TRPC4: variants seen among roughly 807,000 people sequenced by gnomAD.
The protein encoded by TRPC4 is transient receptor potential cation channel subfamily C member 4.
TRPC4 carries 49 observed loss-of-function variants against 99.4 expected under a neutral mutation model. That is an observed-to-expected ratio of 0.49 (90% CI 0.39 to 0.63). The LOEUF is 0.63. TRPC4 is among the 20% of genes least tolerant of loss of function. The pLI, the probability that TRPC4 is intolerant of heterozygous loss-of-function variation, is 0.00. For missense variants in TRPC4, 898 were observed against 1,152.9 expected, an observed-to-expected ratio of 0.78 and a Z score of 3.20; for synonymous variants, 454 against 425.9, an observed-to-expected ratio of 1.07 and a Z score of -0.81.
intron 8 of TRPC4, among the ~76,000 whole-genome samples, chr13:37,642,782 G>C (rs9547990): frequency 0.99 from 148,123 of 150,076 alleles, 73,131 homozygotes; most frequent in Middle Eastern, 1. Context: ...TGTCACCAGT[G>C]TGGAGTGCAA....
At chr13:37,792,285 GT>G (rs1490221932) in intron 1 of TRPC4, among the ~76,000 whole-genome samples, 2 of 152,170 alleles carry the variant, frequency 1.3e-5, no homozygotes, top group South Asian at 2.1e-4. Flanking sequence ...GTTTATTAAT[GT>G]TTTTACTAGT....
intron 1 of TRPC4, among the ~76,000 whole-genome samples, chr13:37,860,775 C>A (rs1390681293): frequency 6.6e-6 from 1 of 151,404 alleles, no homozygotes; most frequent in Non-Finnish European, 1.5e-5. Flanking sequence ...CTGTCATAAG[C>A]CTCCAATCCT....
intron 5 of TRPC4, among the ~76,000 whole-genome samples, chr13:37,667,546 G>A (rs577246029): frequency 6.6e-6 from 1 of 152,156 alleles, no homozygotes; most frequent in East Asian, 1.9e-4. Context: ...GATCTCAGGT[G>A]GTCTGCCCGC....
At chr13:37,858,226 C>T (rs1222156702) in intron 1 of TRPC4, among the ~76,000 whole-genome samples, 4 of 151,594 alleles carry the variant, frequency 2.6e-5, no homozygotes, top group East Asian at 3.9e-4. Context: ...TATCTCCTCA[C>T]CCCAGTTAAA....
At chr13:37,854,832 G>A (rs1252434649) in intron 1 of TRPC4, 7 of 151,898 alleles carry the variant, frequency 4.6e-5, no homozygotes, top group African/African-American at 9.7e-5. Context: ...AGTAAAAAAG[G>A]AAGAGAAGGC....
At chr13:37,644,871 T>C in intron 8 of TRPC4, among the ~76,000 whole-genome samples, 1 of 5,246 alleles carries the variant, frequency 1.9e-4, no homozygotes, top group East Asian at 4.9e-3. Flanking sequence ...AGACTCCATC[T>C]CAAAAAAAAA....
chr13:37,637,150 T>C lies in TRPC4; in HGVS notation c.2687A>G (p.Asp896Gly). The C allele has an allele frequency of 1.2e-6, 2 of 1,613,836 alleles. No homozygotes were observed. Among genetic ancestry groups the C allele is most frequent in the Non-Finnish European group, 1.7e-6 (2 of 1,179,848 alleles). Residue 896 changes from aspartate (D) to glycine (G), a missense_variant, in exon 11 of 11, where the codon GAC (aspartate) becomes GGC (glycine). This residue lies in a region of TRPC4 where 346 missense variants were observed against 351.4 expected (regional missense o/e 0.98). Coordinates refer to ENST00000379705, the MANE Select transcript of TRPC4 (RefSeq NM_016179.4). ...LESRGLASRG[D>G]LSIPGLSEQC... ...TTCACTGAGACCGGGAATGCTCAGGTCACCCCGTGAAGCTAATCCTCGAGA... is the reference window on the plus strand; with the variant it reads ...TTCACTGAGACCGGGAATGCTCAGGCCACCCCGTGAAGCTAATCCTCGAGA...
Position 37,783,379 on chromosome 13 carries a change from A to G in TRPC4, c.-27-19T>C. ...TTCGTCTCTGAAAGTAGAAACAAAA[A>G]ACACAAAGATTAGTGTTAATATGCT... On this transcript the variant is annotated intron_variant, in intron 1 of 10. Transcript: ENST00000379705. 2 of 1,499,914 alleles carry G rather than the reference A, an allele frequency of 1.3e-6. No individual in the cohort carries two copies. Among genetic ancestry groups the G allele is most frequent in the Non-Finnish European group, 1.8e-6 (2 of 1,126,378 alleles). 92.9% of individuals were successfully genotyped at this position (1,499,914 alleles called of 1,614,324 possible).
At chr13:37,844,807 A>T (rs551687837) in intron 1 of TRPC4, among the ~76,000 whole-genome samples, 3 of 152,204 alleles carry the variant, frequency 2.0e-5, no homozygotes, top group Non-Finnish European at 4.4e-5. Context: ...GCCAGCAGGC[A>T]AGTCTAAGTC....
intron 8 of TRPC4, among the ~76,000 whole-genome samples, chr13:37,648,313 T>G (rs1951912556): frequency 6.6e-6 from 1 of 152,116 alleles, no homozygotes; most frequent in African/African-American, 2.4e-5. Flanking sequence ...AAACAAAAAA[T>G]GTATAAAGCT....
At chr13:37,714,011 G>A (rs1314512602) in intron 3 of TRPC4, among the ~76,000 whole-genome samples, 1 of 151,854 alleles carries the variant, frequency 6.6e-6, no homozygotes, top group Non-Finnish European at 1.5e-5. Flanking sequence ...TTCTCTCTCT[G>A]CTTTTATTAC....
intron 2 of TRPC4, among the ~76,000 whole-genome samples, chr13:37,760,924 T>C (rs1045057152): frequency 6.6e-6 from 1 of 151,944 alleles, no homozygotes; most frequent in Non-Finnish European, 1.5e-5. Context: ...TTGCACAGAC[T>C]ATTCTTTATT....
intron 1 of TRPC4, among the ~76,000 whole-genome samples, chr13:37,851,689 A>T (rs764375866): frequency 1.3e-5 from 2 of 152,236 alleles, no homozygotes; most frequent in Non-Finnish European, 2.9e-5. Context: ...TCAGGTGAGC[A>T]ATCACAGTAC....
At chr13:37,651,226 A>T in intron 8 of TRPC4, 39 bp downstream of exon 8, 1 of 1,609,608 alleles carries the variant, frequency 6.2e-7, no homozygotes, top group Non-Finnish European at 8.5e-7. Context: ...CAAATACACA[A>T]TTTAAAAAAA....
chr13:37,664,779 C>A (rs1296133180), intron 5 of TRPC4, among the ~76,000 whole-genome samples: 7 of 152,010 alleles, frequency 4.6e-5, no homozygotes, highest in African/African-American at 1.5e-4. Flanking sequence ...GTTTTTTATT[C>A]TTTTTATAGC....
At chr13:37,842,372 G>A (rs9548073) in intron 1 of TRPC4, among the ~76,000 whole-genome samples, 4,152 of 71,536 alleles carry the variant, frequency 0.058, 309 homozygotes, top group African/African-American at 0.12. Context: ...AAAAAAAAAG[G>A]AAAAGGAAAA....
intron 1 of TRPC4, among the ~76,000 whole-genome samples, chr13:37,845,395 A>T (rs1344722356): frequency 6.6e-6 from 1 of 152,210 alleles, no homozygotes; most frequent in African/African-American, 2.4e-5. Context: ...AAATATAGAT[A>T]GAAAATCAAG....
At chr13:37,787,559 A>C (rs1219764337) in intron 1 of TRPC4, among the ~76,000 whole-genome samples, 1 of 152,062 alleles carries the variant, frequency 6.6e-6, no homozygotes, top group Non-Finnish European at 1.5e-5. Context: ...CATACGTTTC[A>C]GTAGCTGCAA....
intron 1 of TRPC4, among the ~76,000 whole-genome samples, chr13:37,807,799 A>G (rs1957566101): frequency 6.6e-6 from 1 of 152,116 alleles, no homozygotes; most frequent in South Asian, 2.1e-4. Flanking sequence ...ACAGTAGACA[A>G]AAGCACCGAG....
Sources: gnomAD v4.1 joint callset for allele counts (sites outside exome capture counted in the v4.1 genomes callset) on GRCh38, gnomAD v4.1.1 for gene constraint, gnomAD v4.1.1 regional missense constraint, MANE v1.5 for transcripts, NCBI Gene and HGNC (gene_info 2026-07-23, HGNC 2026-07-21) for gene names.